The following PPP2R2C variants were observed in gnomAD, a reference collection of about 807,000 sequenced individuals.
PPP2R2C encodes protein phosphatase 2 regulatory subunit Bgamma.
Under a neutral mutation model 45.3 loss-of-function variants are expected in PPP2R2C, and 10 were observed. The ratio of observed to expected loss-of-function variants is 0.22; its 90% CI spans 0.14 to 0.37. PPP2R2C has a LOEUF of 0.37. Among genes scored for constraint, PPP2R2C ranks in the 10% least tolerant of loss-of-function variants. The probability of loss-of-function intolerance (pLI) is 1.00; values close to 1 mark genes in which losing one functional copy is unlikely to be tolerated. For missense variants in PPP2R2C, 308 were observed against 619.7 expected, an observed-to-expected ratio of 0.50 and a Z score of 5.34; for synonymous variants, 257 against 245.4, an observed-to-expected ratio of 1.05 and a Z score of -0.44.
At chr4:6,438,404 G>A (rs60683985) in intron 1 of PPP2R2C, among the ~76,000 whole-genome samples, 7,502 of 152,200 alleles carry the variant, frequency 0.049, 611 homozygotes, top group African/African-American at 0.17. Context: ...CATTCCCTGC[G>A]CACCTACCTC....
rs1716844970 is a variant in PPP2R2C at position 6,394,024 on chromosome 4, GCCTT to G, written c.71-12934_71-12931del. On this transcript the variant is annotated intron_variant, in intron 1 of 8. Coordinates refer to ENST00000382599, the MANE Select transcript of PPP2R2C (RefSeq NM_020416.4). ...ACCGAGAGAAGATCACATGCTCCCT[GCCTT>G]CCTTCTTGCAACACAGGCTCCGGAA... 2.0e-5 allele frequency among the ~76,000 whole-genome samples: 3 copies of G among 152,246 alleles called. No individual in the cohort carries two copies. The South Asian group carries it at 6.2e-4, about 32-fold the overall frequency.
intron 2 of PPP2R2C, among the ~76,000 whole-genome samples, chr4:6,487,341 A>G (rs1722560698): frequency 6.6e-6 from 1 of 151,768 alleles, no homozygotes; most frequent in Admixed American, 6.6e-5. Context: ...TCCATCTAGT[A>G]TCACTTTCAT....
chr4:6,520,083 C>T (rs997752496), intron 2 of PPP2R2C, among the ~76,000 whole-genome samples: 2 of 152,132 alleles, frequency 1.3e-5, no homozygotes, highest in Non-Finnish European at 2.9e-5. Context: ...CTTTAACAGG[C>T]AGAGAGGGAC....
At chr4:6,402,404 G>A (rs1003316386) in intron 1 of PPP2R2C, among the ~76,000 whole-genome samples, 8 of 152,330 alleles carry the variant, frequency 5.3e-5, no homozygotes, top group South Asian at 2.1e-4. Context: ...CCACTTCCCG[G>A]TTATGTCTCC....
chr4:6,493,983 C>G (rs1481265387), intron 2 of PPP2R2C, among the ~76,000 whole-genome samples: 1 of 152,160 alleles, frequency 6.6e-6, no homozygotes, highest in Non-Finnish European at 1.5e-5. Flanking sequence ...GCTCATTTGC[C>G]CCACGCCTCG....
chr4:6,511,393 A>ATGGTGGTGATGGTGG (rs1723462285), intron 2 of PPP2R2C, among the ~76,000 whole-genome samples: 2 of 123,558 alleles, frequency 1.6e-5, no homozygotes, highest in Non-Finnish European at 3.5e-5. Context: ...GGTGATGGTG[A>ATGGTGGTGATGGTGG]TGGTGGTGAT....
chr4:6,380,658 T>C (rs1432438164), intron 2 of PPP2R2C, among the ~76,000 whole-genome samples: 1 of 152,046 alleles, frequency 6.6e-6, no homozygotes, highest in Non-Finnish European at 1.5e-5. Flanking sequence ...TGCAGGCAGC[T>C]CTCCGCAAAC....
At chr4:6,444,821 T>C (rs1027913894) in intron 1 of PPP2R2C, among the ~76,000 whole-genome samples, 8 of 152,228 alleles carry the variant, frequency 5.3e-5, no homozygotes, top group African/African-American at 1.9e-4. Context: ...ACATGTCCAC[T>C]GGACACACAA....
chr4:6,366,109 C>T (rs1193242040), intron 5 of PPP2R2C, among the ~76,000 whole-genome samples: 2 of 152,226 alleles, frequency 1.3e-5, no homozygotes, highest in African/African-American at 4.8e-5. Context: ...GTTTGAAGGG[C>T]TGTTGTTTAA....
chr4:6,397,492 T>C (rs1264469443), intron 1 of PPP2R2C, among the ~76,000 whole-genome samples: 5 of 101,630 alleles, frequency 4.9e-5, no homozygotes, highest in Non-Finnish European at 1.2e-4. Flanking sequence ...ACTGACCTCT[T>C]TGGGACAGGA....
intron 1 of PPP2R2C, among the ~76,000 whole-genome samples, chr4:6,405,812 A>T (rs1717759743): frequency 6.6e-6 from 1 of 152,196 alleles, no homozygotes; most frequent in Non-Finnish European, 1.5e-5. Flanking sequence ...AGCCACGGAC[A>T]AGCGTGGCCA....
chr4:6,412,189 A>G (rs754062199), intron 1 of PPP2R2C, among the ~76,000 whole-genome samples: 4 of 152,346 alleles, frequency 2.6e-5, no homozygotes, highest in Admixed American at 2.0e-4. Flanking sequence ...TAATAGTTTA[A>G]AAAGACCTTC....
At chr4:6,351,899 T>C (rs1055412845) in intron 5 of PPP2R2C, among the ~76,000 whole-genome samples, 3 of 152,162 alleles carry the variant, frequency 2.0e-5, no homozygotes, top group African/African-American at 7.2e-5. Flanking sequence ...CCATAGGACC[T>C]ACCCGGGCCT....
At chr4:6,552,709 C>T (rs1222859032) in intron 1 of PPP2R2C, among the ~76,000 whole-genome samples, 1 of 152,100 alleles carries the variant, frequency 6.6e-6, no homozygotes, top group Non-Finnish European at 1.5e-5. Context: ...CTTCCTTTTG[C>T]CATGTAAGGT....
chr4:6,562,473 G>GT (rs140179979), intron 1 of PPP2R2C, among the ~76,000 whole-genome samples: 70,302 of 149,300 alleles, frequency 0.47, 17,533 homozygotes, highest in Middle Eastern at 0.52. Flanking sequence ...GGAGTCGGGG[G>GT]GGGGGGTTGG....
chr4:6,436,484 A>G (rs1719901901), intron 1 of PPP2R2C, among the ~76,000 whole-genome samples: 1 of 152,220 alleles, frequency 6.6e-6, no homozygotes, highest in South Asian at 2.1e-4. Flanking sequence ...CAAAGATGGC[A>G]TTTGCATTTC....
intron 1 of PPP2R2C, among the ~76,000 whole-genome samples, chr4:6,456,380 T>C (rs1053563282): frequency 3.3e-5 from 5 of 149,848 alleles, no homozygotes; most frequent in South Asian, 2.1e-4. Context: ...AGAAATAAAA[T>C]TAAGATCTTC....
Position 6,380,895 on chromosome 4 carries a change from A to ACCCCTTATC in PPP2R2C, c.168+93_168+101dup. The ACCCCTTATC allele has an allele frequency of 2.1e-6, 3 of 1,423,818 alleles. No homozygotes were observed. The Admixed American group carries it at 8.8e-5, about 42-fold the overall frequency. 88.2% of individuals were successfully genotyped at this position (1,423,818 alleles called of 1,614,324 possible). ...GTCCCCTCCCACCTCTCACCGCATCACCCCTTATCCCCCTTATCCTTATCC... is the reference window on the plus strand; with the variant it reads ...GTCCCCTCCCACCTCTCACCGCATCACCCCTTATCCCCCTTATCCCCCTTATCCTTATCC... On this transcript the variant is annotated intron_variant, in intron 2 of 8. Coordinates refer to ENST00000382599, the MANE Select transcript of PPP2R2C (RefSeq NM_020416.4).
chr4:6,336,518 AG>A (rs1732864664), intron 6 of PPP2R2C, among the ~76,000 whole-genome samples: 1 of 151,854 alleles, frequency 6.6e-6, no homozygotes, highest in Non-Finnish European at 1.5e-5. Flanking sequence ...GGGCAGGAGG[AG>A]GGGGTTGCAG....
Sources: allele counts gnomAD v4.1 joint callset (sites outside exome capture counted in the v4.1 genomes callset), GRCh38; gene constraint gnomAD v4.1.1; transcripts MANE v1.5; gene names NCBI Gene and HGNC (gene_info 2026-07-23, HGNC 2026-07-21).